Variants in XPO6 observed in about 807,000 individuals in gnomAD.
The protein encoded by XPO6 is exportin-6.
XPO6 carries 3 observed loss-of-function variants against 130.0 expected under a neutral mutation model. That is an observed-to-expected ratio of 0.02 (90% CI 0.01 to 0.06). The LOEUF is 0.06. Among genes scored for constraint, XPO6 ranks in the 10% least tolerant of loss-of-function variants. The pLI is 1.00. For synonymous variants in XPO6, 524 were observed against 548.9 expected (o/e 0.95, Z 0.63); for missense variants, 970 against 1,393.0 (o/e 0.70, Z 4.83).
At chr16:28,191,420 T>C (rs2043785416) in intron 1 of XPO6, among the ~76,000 whole-genome samples, 1 of 152,220 alleles carries the variant, frequency 6.6e-6, no homozygotes, top group Admixed American at 6.5e-5. Flanking sequence ...CCCAGGAGGA[T>C]GGATGTTTAT....
intron 15 of XPO6, among the ~76,000 whole-genome samples, chr16:28,116,017 T>TA (rs1422610617): frequency 6.6e-6 from 1 of 152,368 alleles, no homozygotes; most frequent in African/African-American, 2.4e-5. Flanking sequence ...ATGTTGTGGC[T>TA]AGCTTGGTCT....
At chr16:28,190,968 T>C (rs1393122765) in intron 1 of XPO6, among the ~76,000 whole-genome samples, 1 of 152,230 alleles carries the variant, frequency 6.6e-6, no homozygotes, top group Non-Finnish European at 1.5e-5. Flanking sequence ...GAGATCTTTG[T>C]ATAACTTATT....
chr16:28,103,427 G>A (rs1376350480), intron 21 of XPO6, among the ~76,000 whole-genome samples: 1 of 152,198 alleles, frequency 6.6e-6, no homozygotes, highest in African/African-American at 2.4e-5. Context: ...TGGCAATTAT[G>A]AAACAGCTTC....
chr16:28,161,752 G>A (rs1439596354), intron 6 of XPO6, among the ~76,000 whole-genome samples: 1 of 152,046 alleles, frequency 6.6e-6, no homozygotes, highest in East Asian at 1.9e-4. Flanking sequence ...AATAACTAAG[G>A]CACAGACAGA....
intron 1 of XPO6, among the ~76,000 whole-genome samples, chr16:28,198,645 GA>G (rs1324964588): frequency 6.8e-6 from 1 of 146,742 alleles, no homozygotes; most frequent in Non-Finnish European, 1.5e-5. Context: ...CCTGATACAA[GA>G]AAAAAAATAA....
intron 9 of XPO6, among the ~76,000 whole-genome samples, chr16:28,144,930 G>A (rs1320024394): frequency 6.6e-6 from 1 of 152,114 alleles, no homozygotes; most frequent in Non-Finnish European, 1.5e-5. Flanking sequence ...CCCCGTCATG[G>A]CTTCCACTCG....
intron 6 of XPO6, among the ~76,000 whole-genome samples, chr16:28,165,100 C>T (rs1187968843): frequency 6.6e-6 from 1 of 152,106 alleles, no homozygotes; most frequent in Non-Finnish European, 1.5e-5. Context: ...ATCTATGGTC[C>T]CAGCTACCTG....
At chr16:28,109,161 G>A (rs1003137758) in intron 17 of XPO6, among the ~76,000 whole-genome samples, 1 of 150,950 alleles carries the variant, frequency 6.6e-6, no homozygotes, top group African/African-American at 2.4e-5. Context: ...ATTCAAACGA[G>A]GACAAAAGAT....
intron 17 of XPO6, among the ~76,000 whole-genome samples, chr16:28,108,874 G>A (rs1390010626): frequency 2.0e-5 from 3 of 152,186 alleles, no homozygotes; most frequent in Non-Finnish European, 2.9e-5. Flanking sequence ...AGAGAGCATC[G>A]CCCCACTCAC....
intron 1 of XPO6, among the ~76,000 whole-genome samples, chr16:28,197,133 T>A (rs2043877220): frequency 6.6e-6 from 1 of 151,976 alleles, no homozygotes; most frequent in East Asian, 1.9e-4. Flanking sequence ...ACACCTGTAA[T>A]CCCAGCTACT....
chr16:28,106,121 C>A lies in XPO6; in HGVS notation c.2706G>T (p.Glu902Asp), dbSNP rs1267341949. 1 of 1,614,236 alleles carries A rather than the reference C, an allele frequency of 6.2e-7. No homozygotes were observed. The highest frequency in any genetic ancestry group is 8.5e-7 in the Non-Finnish European group (1 of 1,180,046). ...GGAAGGGCTTGAACACCTGGCCTGG[C>A]TCCTGGACCACCACCTGCAGGATCT... Reference protein sequence around the residue: ...FLKILQVVVQEPGQVFKPFLP... With the variant: ...FLKILQVVVQDPGQVFKPFLP... Residue 902 changes from glutamate (E) to aspartate (D), a missense_variant, in exon 20 of 24, where the codon GAG becomes GAT. Physicochemically the swap from Glu to Asp is conservative, Grantham distance 45. This residue lies in a region of XPO6 where 936 missense variants were observed against 1,306.8 expected (regional missense o/e 0.72). Coordinates refer to ENST00000304658, the MANE Select transcript of XPO6 (RefSeq NM_015171.4). This position sits in a 1 kb window ranked among gnomAD's most constrained non-coding sequence, Gnocchi z 4.2.
rs1427010246 is a variant in XPO6, at chr16:28,106,033, G to A, written c.2784+10C>T. ...GGGGGTGCTGCACAGGGGACCGTCT[G>A]AGCCCCTACCTCGGCAATGATGGGA... is the stretch of plus-strand genomic sequence containing the variant. On this transcript the variant is annotated intron_variant, in intron 20 of 23. Transcript: ENST00000304658. The surrounding 1 kb of genome is among the most constrained non-coding windows in gnomAD (Gnocchi z 4.2). The A allele has an allele frequency of 1.2e-6, 2 of 1,612,208 alleles. No homozygotes were observed. Among genetic ancestry groups the A allele is most frequent in the Non-Finnish European group, 1.7e-6 (2 of 1,178,760 alleles).
At chr16:28,192,764 T>C (rs1194798111) in intron 1 of XPO6, among the ~76,000 whole-genome samples, 1 of 152,062 alleles carries the variant, frequency 6.6e-6, no homozygotes, top group Non-Finnish European at 1.5e-5. Context: ...CCACCTGGTG[T>C]GCAGTCAAAA....
At chr16:28,149,205 A>G (rs1055853089) in intron 8 of XPO6, among the ~76,000 whole-genome samples, 1 of 152,118 alleles carries the variant, frequency 6.6e-6, no homozygotes, top group East Asian at 1.9e-4. Flanking sequence ...GTGAGGACGC[A>G]CTAAGCTTAG....
intron 1 of XPO6, among the ~76,000 whole-genome samples, chr16:28,206,001 G>A (rs1370326073): frequency 7.4e-6 from 1 of 134,444 alleles, no homozygotes; most frequent in Non-Finnish European, 1.5e-5. Flanking sequence ...TCACGCCACT[G>A]CACTCCAGCC....
chr16:28,148,358 C>T (rs1217206402), intron 8 of XPO6, among the ~76,000 whole-genome samples: 1 of 152,204 alleles, frequency 6.6e-6, no homozygotes, highest in Non-Finnish European at 1.5e-5. Flanking sequence ...CCACAGGCCG[C>T]CCATGACCTG....
chr16:28,156,684 T>C (rs1358652579), intron 6 of XPO6, among the ~76,000 whole-genome samples, 157 bp from the exon 7 acceptor site: 1 of 152,150 alleles, frequency 6.6e-6, no homozygotes, highest in East Asian at 1.9e-4. Flanking sequence ...ATGCTCAAAG[T>C]TAAACACTAA....
intron 11 of XPO6, 83 bp downstream of exon 11, chr16:28,133,758 A>C: frequency 8.1e-7 from 1 of 1,239,572 alleles, no homozygotes; most frequent in Non-Finnish European, 1.2e-6. Flanking sequence ...GGGGAGAGAG[A>C]GAGAGATCCA....
chr16:28,113,123 C>A, intron 15 of XPO6, 73 bp from the exon 16 acceptor site: 1 of 1,541,898 alleles, frequency 6.5e-7, no homozygotes, highest in Admixed American at 1.9e-5. Context: ...CTGAGGCAGC[C>A]ACAAGCTATG....
Sources: gnomAD v4.1 joint callset for allele counts (sites outside exome capture counted in the v4.1 genomes callset) on GRCh38, gnomAD v4.1.1 for gene constraint, gnomAD v4.1.1 regional missense constraint, Gnocchi (gnomAD v3.1) non-coding constraint, MANE v1.5 for transcripts, NCBI Gene and HGNC (gene_info 2026-07-23, HGNC 2026-07-21) for gene names.